Variants in SCPEP1 observed in about 807,000 individuals in gnomAD.
The protein encoded by SCPEP1 is serine carboxypeptidase 1, also known as retinoid-inducible serine carboxypeptidase.
Under a neutral mutation model 63.8 loss-of-function variants are expected in SCPEP1, and 51 were observed. That is an observed-to-expected ratio of 0.80 (90% CI 0.64 to 1.01). The LOEUF (loss-of-function observed/expected upper bound fraction) is 1.01. Ranked by LOEUF, SCPEP1 falls within the 50% of genes least tolerant of loss-of-function variation. The pLI, the probability that SCPEP1 is intolerant of heterozygous loss-of-function variation, is 0.00. For synonymous variants in SCPEP1, 204 were observed against 207.8 expected, an observed-to-expected ratio of 0.98 and a Z score of 0.16; for missense variants, 499 against 554.9, an observed-to-expected ratio of 0.90 and a Z score of 1.01.
At chr17:56,979,910 T>C (rs920866255) in intron 1 of SCPEP1, among the ~76,000 whole-genome samples, 1 of 152,198 alleles carries the variant, frequency 6.6e-6, no homozygotes, top group Non-Finnish European at 1.5e-5. Flanking sequence ...TTTAACTATA[T>C]TTTTGTATTT....
chr17:56,993,744 G>T (rs1308793946), intron 6 of SCPEP1, among the ~76,000 whole-genome samples: 1 of 152,154 alleles, frequency 6.6e-6, no homozygotes, highest in Non-Finnish European at 1.5e-5. Flanking sequence ...ACCGCACCCA[G>T]CCGGTAAAAG....
At chr17:56,982,775 A>T (rs564485230) in intron 2 of SCPEP1, 42 of 152,184 alleles carry the variant, frequency 2.8e-4, no homozygotes, top group African/African-American at 9.1e-4. Context: ...GAAAGCTTAC[A>T]AAGGGGAGAC....
intron 1 of SCPEP1, among the ~76,000 whole-genome samples, chr17:56,978,974 C>T (rs1204563725): frequency 6.6e-6 from 1 of 152,144 alleles, no homozygotes; most frequent in Non-Finnish European, 1.5e-5. Flanking sequence ...GGAGAAGTGC[C>T]TGGGGTTAGG....
chr17:57,002,318 G>A, intron 12 of SCPEP1, 137 bp downstream of exon 12: 1 of 787,196 alleles, frequency 1.3e-6, no homozygotes, highest in South Asian at 1.8e-5. Context: ...AGTGGCTCAT[G>A]CCTGTAATCT....
At chr17:56,994,842 GAATT>G (rs1911498792) in intron 6 of SCPEP1, 135 bp from the exon 7 acceptor site, 1 of 700,738 alleles carries the variant, frequency 1.4e-6, no homozygotes, top group Non-Finnish European at 2.5e-6. Context: ...GGGTACAGGT[GAATT>G]GAGGAGCCTT....
intron 6 of SCPEP1, among the ~76,000 whole-genome samples, chr17:56,991,695 T>C (rs1911404854): frequency 6.6e-6 from 1 of 152,270 alleles, no homozygotes; most frequent in African/African-American, 2.4e-5. Flanking sequence ...GAGTTGTTTA[T>C]GTTGCAGACA....
At position 56,978,131 on chromosome 17, in the gene SCPEP1, G is replaced by C; in HGVS notation, c.-29G>C. On this transcript the variant is annotated 5_prime_UTR_variant, in exon 1 of 13. Coordinates refer to ENST00000262288, the MANE Select transcript of SCPEP1 (RefSeq NM_021626.3). Reference sequence around the variant, plus strand: ...CGTGATGGGGCGCCGGGTCCAGCCTGTTGCTGATGCTGCCGTGCGGTACTT... The same window carrying C: ...CGTGATGGGGCGCCGGGTCCAGCCTCTTGCTGATGCTGCCGTGCGGTACTT... 2 of 1,181,222 alleles carry C rather than the reference G, an allele frequency of 1.7e-6. No homozygotes were observed. Among genetic ancestry groups the C allele is most frequent in the Non-Finnish European group, 2.5e-6 (2 of 810,856 alleles). 73.2% of individuals were successfully genotyped at this position (1,181,222 alleles called of 1,614,324 possible).
At chr17:57,002,537 G>A (rs938959874) in intron 12 of SCPEP1, among the ~76,000 whole-genome samples, 2 of 152,266 alleles carry the variant, frequency 1.3e-5, no homozygotes, top group African/African-American at 2.4e-5. Context: ...GCAACGTGGC[G>A]AAACCCTGTC....
rs748849584 is a variant in SCPEP1, at chr17:56,978,164, A to G, written c.5A>G (p.Glu2Gly). Residue 2 changes from glutamate (E) to glycine (G), a missense_variant, in exon 1 of 13, where the codon GAG (glutamate) becomes GGG (glycine). Transcript: ENST00000262288. M[E>G]LALRRSPVPR... Reference sequence around the variant, plus strand: ...TGCTGCCGTGCGGTACTTGTCATGGAGCTGGCACTGCGGCGCTCTCCCGTC... The same window carrying G: ...TGCTGCCGTGCGGTACTTGTCATGGGGCTGGCACTGCGGCGCTCTCCCGTC... The G allele has an allele frequency of 6.9e-7, 1 of 1,447,682 alleles. No homozygotes were observed. The highest frequency in any genetic ancestry group is 1.7e-5 in the Admixed American group (1 of 58,244). The allele number at this position is 1,447,682 out of a possible 1,614,324, so 89.7% of individuals were successfully genotyped here.
Position 56,997,610 on chromosome 17 carries a change from A to T in SCPEP1, c.880+555A>T, listed in dbSNP as rs1884784253. On this transcript the variant is annotated intron_variant, in intron 9 of 12. Coordinates refer to ENST00000262288, the MANE Select transcript of SCPEP1 (RefSeq NM_021626.3). ...TGGCCCCCAAGTCTATAGAATGTAT[A>T]ATCAATACTATTAGGTTGGTGCAAA... 2.6e-5 allele frequency among the ~76,000 whole-genome samples: 4 copies of T among 152,294 alleles called. No homozygotes were observed. The South Asian group carries it at 8.3e-4, about 32-fold the overall frequency.
At chr17:56,982,111 C>A (rs974601522) in intron 2 of SCPEP1, among the ~76,000 whole-genome samples, 1 of 152,204 alleles carries the variant, frequency 6.6e-6, no homozygotes, top group Non-Finnish European at 1.5e-5. Context: ...TCTTTTCTGG[C>A]ATTTCTGAAA....
At chr17:56,999,519 GGCTGCTGCTGGGAGCCTACGATTT>G (rs1388740461) in intron 10 of SCPEP1, among the ~76,000 whole-genome samples, 4 of 152,110 alleles carry the variant, frequency 2.6e-5, no homozygotes, top group Non-Finnish European at 5.9e-5. Context: ...GTGGTCCTGC[GGCTGCTGCTGGGAGCCTACGATTT>G]GCTGCTGCTG....
Position 57,000,957 on chromosome 17 carries a change from A to G in SCPEP1, c.1097A>G (p.Tyr366Cys), listed in dbSNP as rs1911723643. Residue 366 changes from tyrosine (Y) to cysteine (C), a missense_variant, in exon 11 of 13, where the codon TAT (tyrosine) becomes TGT (cysteine). Coordinates refer to ENST00000262288, the MANE Select transcript of SCPEP1 (RefSeq NM_021626.3). ...GAGGCAGGGATCAACGTGACGGTGT[A>G]TAATGGACAGCTGGATCTCATCGTA... ...LLEAGINVTV[Y>C]NGQLDLIVDT... 2 of 1,614,182 alleles carry G rather than the reference A, an allele frequency of 1.2e-6. No individual in the cohort carries two copies. The highest frequency in any genetic ancestry group is 1.7e-6 in the Non-Finnish European group (2 of 1,180,026).
chr17:56,992,895 T>C (rs1911443156), intron 6 of SCPEP1, among the ~76,000 whole-genome samples: 1 of 152,256 alleles, frequency 6.6e-6, no homozygotes, highest in Non-Finnish European at 1.5e-5. Context: ...GTTTGGAATC[T>C]ACCTTTTTCT....
At chr17:56,992,253 G>A (rs370052370) in intron 6 of SCPEP1, among the ~76,000 whole-genome samples, 10 of 152,258 alleles carry the variant, frequency 6.6e-5, no homozygotes, top group Middle Eastern at 3.4e-3. Flanking sequence ...TAACCATTAC[G>A]ACTTGGAATA....
At chr17:56,988,532 A>G (rs1490308138) in intron 5 of SCPEP1, among the ~76,000 whole-genome samples, 1 of 152,182 alleles carries the variant, frequency 6.6e-6, no homozygotes, top group Non-Finnish European at 1.5e-5. Context: ...GCAATAGACA[A>G]ATAGGTTAAT....
intron 9 of SCPEP1, chr17:56,998,146 A>G: frequency 2.6e-6 from 1 of 388,148 alleles, no homozygotes; most frequent in South Asian, 2.3e-5. Context: ...CCCTGTCTCT[A>G]CTAAAAATAC....
chr17:57,005,109 CTG>C (rs1291016117), intron 12 of SCPEP1, among the ~76,000 whole-genome samples: 9 of 152,210 alleles, frequency 5.9e-5, no homozygotes, highest in Admixed American at 6.5e-5. Flanking sequence ...CAGAAATAAA[CTG>C]TGTGTTGTGC....
chr17:56,996,986 A>G lies in SCPEP1; in HGVS notation c.811A>G (p.Asn271Asp), dbSNP rs759296880. Reference sequence around the variant, plus strand: ...GAACACAGATGGGGTGAACTTCTATAACATCTTAACTAAAAGCACTCCCAC... The same window carrying G: ...GAACACAGATGGGGTGAACTTCTATGACATCTTAACTAAAAGCACTCCCAC... ...EQNTDGVNFY[N>D]ILTKSTPTST... is the part of the protein sequence containing the mutation. Residue 271 changes from asparagine (N) to aspartate (D), a missense_variant, in exon 9 of 13, where the codon AAC (asparagine) becomes GAC (aspartate). Coordinates refer to ENST00000262288, the MANE Select transcript of SCPEP1 (RefSeq NM_021626.3). 41 of 1,609,390 alleles carry G rather than the reference A, an allele frequency of 2.5e-5. No homozygotes were observed. The South Asian group carries it at 3.9e-4, about 15-fold the overall frequency.
Sources: gnomAD v4.1 joint callset for allele counts (sites outside exome capture counted in the v4.1 genomes callset) on GRCh38, gnomAD v4.1.1 for gene constraint, MANE v1.5 for transcripts, NCBI Gene and HGNC (gene_info 2026-07-23, HGNC 2026-07-21) for gene names.